The following TRPM2 variants were observed in gnomAD, a reference collection of about 807,000 sequenced individuals.
TRPM2 encodes transient receptor potential cation channel subfamily M member 2, also known as estrogen-responsive element-associated gene 1 protein.
In TRPM2, 161 loss-of-function variants were observed where a neutral mutation model predicts 174.0. That is an observed-to-expected ratio of 0.93 (90% CI 0.81 to 1.05). The LOEUF is 1.05. Ranked by LOEUF, TRPM2 falls within the 50% of genes least tolerant of loss-of-function variation. The pLI, the probability that TRPM2 is intolerant of heterozygous loss-of-function variation, is 0.00. For synonymous variants in TRPM2, 954 were observed against 861.3 expected (o/e 1.11, Z -1.88); for missense variants, 2,057 against 2,038.0 (o/e 1.01, Z -0.18).
intron 2 of TRPM2, among the ~76,000 whole-genome samples, chr21:44,362,400 T>C (rs903437924): frequency 2.6e-4 from 38 of 147,442 alleles, no homozygotes; most frequent in Non-Finnish European, 5.2e-4. Context: ...TGGTCGCAGC[T>C]ACTTGGGAGG....
intron 19 of TRPM2, among the ~76,000 whole-genome samples, chr21:44,408,120 A>AT (rs1311112981): frequency 6.6e-6 from 1 of 151,366 alleles, no homozygotes; most frequent in African/African-American, 2.4e-5. Context: ...TAATTTTTGT[A>AT]TTTTTTTGTA....
At chr21:44,401,328 G>A (rs1300279368) in intron 15 of TRPM2, among the ~76,000 whole-genome samples, 4 of 152,186 alleles carry the variant, frequency 2.6e-5, no homozygotes, top group African/African-American at 4.8e-5. Context: ...ACTGAGCACT[G>A]GGAGCTCTGA....
At chr21:44,424,771 G>A (rs141939981) in intron 23 of TRPM2, 81 bp from the exon 24 acceptor site, 20,437 of 898,844 alleles carry the variant, frequency 0.023, 301 homozygotes, top group Middle Eastern at 0.032. Flanking sequence ...GGCTGGGGGA[G>A]TGAAGTCTCG....
chr21:44,410,320 A>T (rs1175988813), intron 19 of TRPM2, among the ~76,000 whole-genome samples: 4 of 68,514 alleles, frequency 5.8e-5, no homozygotes, highest in African/African-American at 1.8e-4. Flanking sequence ...GTAGCCTTGT[A>T]GTAAGTTTTG....
chr21:44,371,333 T>G (rs1242238564), intron 5 of TRPM2, among the ~76,000 whole-genome samples: 53 of 128,502 alleles, frequency 4.1e-4, no homozygotes, highest in African/African-American at 1.6e-3. Flanking sequence ...TGCCTCCGTG[T>G]CCCGTGGCCG....
chr21:44,417,980 G>C lies in TRPM2; in HGVS notation c.3200G>C (p.Arg1067Pro). ...ACGGACCAGATTTGGAAGTTCCAGC[G>C]CCATGACCTGATCGAGGAGTACCAC... ...EHTDQIWKFQ[R>P]HDLIEEYHGR... The change falls in exon 21 of 32, where the codon CGC (arginine) becomes CCC (proline). Residue 1067 changes from arginine (R) to proline (P), a missense_variant. By Grantham distance (103) the Arg-to-Pro change is moderately radical. Transcript: ENST00000397928. The C allele has an allele frequency of 6.2e-7, 1 of 1,612,952 alleles. No individual in the cohort carries two copies. Among genetic ancestry groups the C allele is most frequent in the Non-Finnish European group, 8.5e-7 (1 of 1,180,006 alleles).
Position 44,399,364 on chromosome 21 carries a change from G to A in TRPM2, c.2131G>A (p.Ala711Thr). Residue 711 changes from alanine to threonine, a missense_variant, in exon 14 of 32, where the codon GCC becomes ACC. Ala to Thr is a moderately conservative substitution (Grantham distance 58). Coordinates refer to ENST00000397928, the MANE Select transcript of TRPM2 (RefSeq NM_003307.4). This position sits in a 1 kb window ranked among gnomAD's most constrained non-coding sequence, Gnocchi z 4.6. ...GAAACTGCTCACCCGCGTGTCCGAGGCCTGGGGGAAGACCACCTGCCTGCA... is the reference window on the plus strand; with the variant it reads ...GAAACTGCTCACCCGCGTGTCCGAGACCTGGGGGAAGACCACCTGCCTGCA... ...AQKLLTRVSE[A>T]WGKTTCLQLA... 2 of 1,612,844 alleles carry A rather than the reference G, an allele frequency of 1.2e-6. No homozygotes were observed. The highest frequency in any genetic ancestry group is 1.7e-6 in the Non-Finnish European group (2 of 1,179,920).
At chr21:44,403,363 C>T (rs2049696517) in intron 16 of TRPM2, among the ~76,000 whole-genome samples, 1 of 152,192 alleles carries the variant, frequency 6.6e-6, no homozygotes, top group African/African-American at 2.4e-5. Context: ...CCAGGTCCTG[C>T]ACTCTTGGCC....
Position 44,425,705 on chromosome 21 carries a change from C to T in TRPM2, c.3673C>T (p.Pro1225Ser). The change falls in exon 25 of 32, where the codon CCG becomes TCG. Residue 1225 changes from proline (P) to serine (S), a missense_variant. Pro to Ser is a moderately conservative substitution (Grantham distance 74). Transcript: ENST00000397928. ...GGCCGCGGAGGAGCCGGATGCTGAG[C>T]CGGGAGGCAGGAAGAAGACGGAGGA... ...QKAAEEPDAEPGGRKKTEEPG... is the reference protein window; with the variant it reads ...QKAAEEPDAESGGRKKTEEPG... 1 of 1,561,814 alleles carries T rather than the reference C, an allele frequency of 6.4e-7. No individual in the cohort carries two copies. Among genetic ancestry groups the T allele is most frequent in the South Asian group, 1.2e-5 (1 of 85,958 alleles).
At chr21:44,358,579 C>T (rs2048121827) in intron 2 of TRPM2, among the ~76,000 whole-genome samples, 1 of 152,210 alleles carries the variant, frequency 6.6e-6, no homozygotes, top group Non-Finnish European at 1.5e-5. Flanking sequence ...AAACGCCATG[C>T]AGGTTCAAGT....
At chr21:44,392,974 G>A (rs1256594870) in intron 11 of TRPM2, among the ~76,000 whole-genome samples, 1 of 151,960 alleles carries the variant, frequency 6.6e-6, no homozygotes, top group East Asian at 1.9e-4. Context: ...TTTATTTAAT[G>A]GTGAGACTGC....
intron 9 of TRPM2, among the ~76,000 whole-genome samples, chr21:44,385,578 G>A (rs1490817852): frequency 6.6e-6 from 1 of 152,170 alleles, no homozygotes; most frequent in Non-Finnish European, 1.5e-5. Context: ...CTTATAAATT[G>A]GGAAGGAAGA....
At chr21:44,360,355 TG>T (rs943288560) in intron 2 of TRPM2, among the ~76,000 whole-genome samples, 2 of 152,118 alleles carry the variant, frequency 1.3e-5, no homozygotes, top group Non-Finnish European at 2.9e-5. Context: ...TGGGAGACCT[TG>T]GGCGAGGTGC....
Position 44,385,892 on chromosome 21 carries a change from C to T in TRPM2, c.1318+3072C>T, listed in dbSNP as rs548781713. ...GAGAACAGCATAGGGGAAACTGTCCCCACAATCCAACTACCTCCACCTGGT... is the reference window on the plus strand; with the variant it reads ...GAGAACAGCATAGGGGAAACTGTCCTCACAATCCAACTACCTCCACCTGGT... On this transcript the variant is annotated intron_variant, in intron 9 of 31. Coordinates refer to ENST00000397928, the MANE Select transcript of TRPM2 (RefSeq NM_003307.4). Among the ~76,000 whole-genome samples, 12 of 152,258 alleles carry T rather than the reference C, an allele frequency of 7.9e-5. No individual in the cohort carries two copies. In the South Asian group the frequency reaches 1.9e-3, roughly 24 times the overall value.
In TRPM2 at chr21:44,400,310, T is replaced by A; in HGVS notation, c.2260T>A (p.Trp754Arg). ...CCAGCTCTCCGTGGACAATGGGCTG[T>A]GGCGTGTGACCCTGTGCATGCTGGC... ...WGQLSVDNGL[W>R]RVTLCMLAFP... The change falls in exon 15 of 32, where the codon TGG becomes AGG. Residue 754 changes from tryptophan to arginine, a missense_variant. By Grantham distance (101) the Trp-to-Arg change is moderately radical (BLOSUM62 -3). Transcript: ENST00000397928. The A allele has an allele frequency of 1.2e-6, 2 of 1,612,928 alleles. No individual in the cohort carries two copies. The highest frequency in any genetic ancestry group is 1.7e-6 in the Non-Finnish European group (2 of 1,179,906).
Position 44,418,345 on chromosome 21 carries a change from C to A in TRPM2, c.3329-78C>A, listed in dbSNP as rs1249564099. 9.7e-6 allele frequency: 15 copies of A among 1,553,390 alleles called. No individual in the cohort carries two copies. The East Asian group carries it at 2.0e-4, about 21-fold the overall frequency. On this transcript the variant is annotated intron_variant, in intron 21 of 31. Transcript: ENST00000397928. Reference sequence around the variant, plus strand: ...TCAGGACTGGCCCCCTCCCACGGGGCCCCCCCGGTGGGTCAGGGCTTCAGG... The same window carrying A: ...TCAGGACTGGCCCCCTCCCACGGGGACCCCCCGGTGGGTCAGGGCTTCAGG...
intron 13 of TRPM2, among the ~76,000 whole-genome samples, chr21:44,398,509 G>T (rs2049505232): frequency 1.3e-5 from 2 of 152,134 alleles, no homozygotes; most frequent in African/African-American, 2.4e-5. Context: ...TGAGACTGGG[G>T]TTTTTTAAGG....
intron 11 of TRPM2, among the ~76,000 whole-genome samples, chr21:44,394,264 A>C (rs577707567): frequency 5.3e-4 from 80 of 151,658 alleles, no homozygotes; most frequent in Non-Finnish European, 1.0e-3. Context: ...GGAAGGTCCA[A>C]AGCAGAATCT....
chr21:44,435,268 C>CCT, intron 28 of TRPM2, 51 bp downstream of exon 28: 1 of 1,584,854 alleles, frequency 6.3e-7, no homozygotes, highest in Non-Finnish European at 8.6e-7. Flanking sequence ...GGTCACCCCA[C>CCT]CTTCACAAGG....
Sources: gnomAD v4.1 joint callset for allele counts (sites outside exome capture counted in the v4.1 genomes callset) on GRCh38, gnomAD v4.1.1 for gene constraint, Gnocchi (gnomAD v3.1) non-coding constraint, MANE v1.5 for transcripts, NCBI Gene and HGNC (gene_info 2026-07-23, HGNC 2026-07-21) for gene names.